Variants in AUTS2 observed in about 807,000 individuals in gnomAD.
AUTS2 encodes autism susceptibility gene 2 protein.
Under a neutral mutation model 112.4 loss-of-function variants are expected in AUTS2, and 17 were observed. That is an observed-to-expected ratio of 0.15 (90% CI 0.10 to 0.23). AUTS2 has a LOEUF of 0.23. Ranked by LOEUF, AUTS2 falls within the 10% of genes least tolerant of loss-of-function variation. AUTS2 has a pLI of 1.00. For missense variants in AUTS2, 1,510 were observed against 1,701.6 expected, an observed-to-expected ratio of 0.89 and a Z score of 1.98; for synonymous variants, 751 against 702.7, an observed-to-expected ratio of 1.07 and a Z score of -1.09.
intron 2 of AUTS2, among the ~76,000 whole-genome samples, chr7:69,970,066 A>G (rs1234194549): frequency 6.6e-6 from 1 of 152,146 alleles, no homozygotes; most frequent in East Asian, 1.9e-4. Flanking sequence ...AATAAAACAA[A>G]CACTGTTTTT....
At chr7:70,541,462 A>G (rs1360262859) in intron 5 of AUTS2, among the ~76,000 whole-genome samples, 1 of 152,218 alleles carries the variant, frequency 6.6e-6, no homozygotes, top group African/African-American at 2.4e-5. Flanking sequence ...TACTGAACCT[A>G]TGTGCAAACC....
intron 4 of AUTS2, among the ~76,000 whole-genome samples, chr7:70,406,020 G>A (rs1349688921): frequency 6.6e-6 from 1 of 152,084 alleles, no homozygotes. Context: ...GCGGCCTGGT[G>A]GCAGTCCTCC....
At chr7:70,094,940 T>C (rs1804112699) in intron 2 of AUTS2, among the ~76,000 whole-genome samples, 1 of 152,142 alleles carries the variant, frequency 6.6e-6, no homozygotes, top group Non-Finnish European at 1.5e-5. Flanking sequence ...AGGAAGCCAG[T>C]TGACAGTATA....
chr7:69,779,136 G>A (rs530402820), intron 1 of AUTS2, among the ~76,000 whole-genome samples: 6 of 148,832 alleles, frequency 4.0e-5, no homozygotes, highest in Non-Finnish European at 5.9e-5. Flanking sequence ...CAAGTGATCC[G>A]TCTCTGCCTC....
At position 70,694,879 on chromosome 7, in the gene AUTS2, A is replaced by C. The variant is rs1808989794; in HGVS notation, c.691-3690A>C. 1 of 151,846 alleles carries C rather than the reference A, an allele frequency of 6.6e-6. No homozygotes were observed. The highest frequency in any genetic ancestry group is 2.1e-4 in the South Asian group (1 of 4,800). 9.4% of individuals were successfully genotyped at this position (151,846 alleles called of 1,614,324 possible). On this transcript the variant is annotated intron_variant, in intron 5 of 18. Transcript: ENST00000342771. This position sits in a 1 kb window ranked among gnomAD's most constrained non-coding sequence, Gnocchi z 4.1. Reference sequence around the variant, plus strand: ...CGCTCTCGGACTTTGGCGAGGAAGGAGCCCAGAGACTCTTGTGGACAGAGC... The same window carrying C: ...CGCTCTCGGACTTTGGCGAGGAAGGCGCCCAGAGACTCTTGTGGACAGAGC...
chr7:69,873,513 G>T (rs958970015), intron 1 of AUTS2, among the ~76,000 whole-genome samples: 3 of 151,096 alleles, frequency 2.0e-5, no homozygotes, highest in Admixed American at 6.6e-5. Context: ...TAAGATGAGA[G>T]AATTAGACTG....
intron 4 of AUTS2, among the ~76,000 whole-genome samples, chr7:70,171,908 G>GA (rs1562760633): frequency 1.3e-5 from 2 of 151,388 alleles, no homozygotes; most frequent in South Asian, 4.2e-4. Flanking sequence ...TTTTTTTTGG[G>GA]GGGGGGTAGT....
intron 4 of AUTS2, among the ~76,000 whole-genome samples, chr7:70,313,650 T>C (rs1789859050): frequency 6.6e-6 from 1 of 152,198 alleles, no homozygotes; most frequent in Non-Finnish European, 1.5e-5. Context: ...TGGTAGATGC[T>C]CTCGTTGCTG....
chr7:70,350,874 T>C lies in AUTS2; in HGVS notation c.661-84878T>C, dbSNP rs372667712. Among the ~76,000 whole-genome samples, 146 of 152,184 alleles carry C rather than the reference T, an allele frequency of 9.6e-4. 1 individual carries two copies. Among genetic ancestry groups the C allele is most frequent in the Admixed American group, 1.1e-3 (17 of 15,284 alleles). On this transcript the variant is annotated intron_variant, in intron 4 of 18. Coordinates refer to ENST00000342771, the MANE Select transcript of AUTS2 (RefSeq NM_015570.4). ...CTTTGACCTATATCTGCCCATTTCC[T>C]CCTCCTCCCTACCCCTGGTAACCGC...
At chr7:69,778,213 C>T (rs1474901176) in intron 1 of AUTS2, among the ~76,000 whole-genome samples, 3 of 146,822 alleles carry the variant, frequency 2.0e-5, no homozygotes, top group South Asian at 2.2e-4. Context: ...ATACAAATCA[C>T]AGGGCCTTAT....
At chr7:70,133,559 C>T (rs948185127) in intron 3 of AUTS2, among the ~76,000 whole-genome samples, 1 of 152,120 alleles carries the variant, frequency 6.6e-6, no homozygotes, top group Non-Finnish European at 1.5e-5. Flanking sequence ...GGTCATTTTG[C>T]TTCTGGGAAA....
In AUTS2 at chr7:70,152,801, G is replaced by A. The variant is rs114657255; in HGVS notation, c.660+18230G>A. On this transcript the variant is annotated intron_variant, in intron 4 of 18. Transcript: ENST00000342771. ...TAAAAGCAAATTAAAACCATAATAG[G>A]TATATAGTAATATATTATTACACAC... Among the ~76,000 whole-genome samples the A allele has an allele frequency of 3.3e-5, 5 of 151,998 alleles. No homozygotes were observed. In the South Asian group the frequency reaches 1.0e-3, roughly 32 times the overall value.
chr7:69,793,821 C>T (rs532671538), intron 1 of AUTS2, among the ~76,000 whole-genome samples: 1 of 152,140 alleles, frequency 6.6e-6, no homozygotes, highest in East Asian at 1.9e-4. Context: ...TAATGTGCAG[C>T]CAAGACTGAG....
At chr7:70,080,903 C>T (rs956434201) in intron 2 of AUTS2, among the ~76,000 whole-genome samples, 6 of 152,044 alleles carry the variant, frequency 3.9e-5, no homozygotes, top group South Asian at 4.2e-4. Context: ...CATTAGAGGG[C>T]GTTGGAAAGA....
At chr7:70,043,549 CT>C (rs1413588272) in intron 2 of AUTS2, among the ~76,000 whole-genome samples, 136 of 3,406 alleles carry the variant, frequency 0.04, no homozygotes, top group East Asian at 0.22. Flanking sequence ...CCTTCCCTCC[CT>C]TCCTTCCTTC....
Position 70,252,813 on chromosome 7 carries a change from A to G in AUTS2, c.660+118242A>G, listed in dbSNP as rs144300582. Among the ~76,000 whole-genome samples the G allele has an allele frequency of 5.3e-3, 800 of 152,110 alleles. 8 individuals carry two copies. The highest frequency in any genetic ancestry group is 0.018 in the African/African-American group (764 of 41,506). On this transcript the variant is annotated intron_variant, in intron 4 of 18. Coordinates refer to ENST00000342771, the MANE Select transcript of AUTS2 (RefSeq NM_015570.4). ...TCATTGTTCTGCTTGTGGATATCCA[A>G]TTTTCCCAATACCAGTTATTAAAGA...
At chr7:70,359,573 G>A (rs968642422) in intron 4 of AUTS2, among the ~76,000 whole-genome samples, 7 of 152,170 alleles carry the variant, frequency 4.6e-5, no homozygotes, top group African/African-American at 1.7e-4. Context: ...AACCCAAGGG[G>A]CGCCCTTGCT....
chr7:70,121,721 A>G (rs890870635), intron 3 of AUTS2, among the ~76,000 whole-genome samples: 2 of 152,202 alleles, frequency 1.3e-5, no homozygotes, highest in African/African-American at 4.8e-5. Context: ...ATATTCATAC[A>G]TTACTGGTGG....
chr7:70,742,940 A>G (rs937976031), intron 6 of AUTS2, among the ~76,000 whole-genome samples: 9 of 152,318 alleles, frequency 5.9e-5, no homozygotes, highest in East Asian at 5.8e-4. Flanking sequence ...TGCGAAGTGG[A>G]GTGTTACATG....
Sources: allele counts gnomAD v4.1 joint callset (sites outside exome capture counted in the v4.1 genomes callset), GRCh38; gene constraint gnomAD v4.1.1; non-coding constraint Gnocchi (gnomAD v3.1); transcripts MANE v1.5; gene names NCBI Gene and HGNC (gene_info 2026-07-23, HGNC 2026-07-21).